SLC2A13: variants seen among roughly 807,000 people sequenced by gnomAD.
The protein encoded by SLC2A13 is proton myo-inositol cotransporter.
In SLC2A13, 32 loss-of-function variants were observed where a neutral mutation model predicts 64.4. The observed-to-expected ratio is 0.50, with a 90% CI of 0.37 to 0.67. SLC2A13 has a LOEUF of 0.67. Ranked by LOEUF, SLC2A13 falls within the 30% of genes least tolerant of loss-of-function variation. The pLI is 0.00. For missense variants in SLC2A13, 743 were observed against 829.2 expected, an observed-to-expected ratio of 0.90 and a Z score of 1.28; for synonymous variants, 338 against 327.1, an observed-to-expected ratio of 1.03 and a Z score of -0.36.
chr12:39,907,532 A>G (rs1945319809), intron 4 of SLC2A13: 2 of 152,160 alleles, frequency 1.3e-5, no homozygotes, highest in South Asian at 4.1e-4. Context: ...ATATACTACT[A>G]ATATAGAATC....
At chr12:39,847,001 A>G (rs940014753) in intron 6 of SLC2A13, among the ~76,000 whole-genome samples, 2 of 152,206 alleles carry the variant, frequency 1.3e-5, no homozygotes, top group African/African-American at 4.8e-5. Flanking sequence ...ACTGGTTTCA[A>G]AGGCCAAGGA....
At chr12:39,830,841 T>C (rs1029112040) in intron 6 of SLC2A13, among the ~76,000 whole-genome samples, 1 of 152,196 alleles carries the variant, frequency 6.6e-6, no homozygotes, top group African/African-American at 2.4e-5. Context: ...TGGATTATTC[T>C]GAATTTAAAA....
chr12:39,980,398 G>C (rs1279885511), intron 3 of SLC2A13, among the ~76,000 whole-genome samples: 1 of 151,648 alleles, frequency 6.6e-6, no homozygotes, highest in Non-Finnish European at 1.5e-5. Flanking sequence ...AAAGAGTCAA[G>C]ACCCATCAGT....
intron 1 of SLC2A13, among the ~76,000 whole-genome samples, chr12:40,095,037 G>C (rs1938892824): frequency 6.6e-6 from 1 of 152,166 alleles, no homozygotes; most frequent in Non-Finnish European, 1.5e-5. Flanking sequence ...AAGTAAGCAA[G>C]ACACTTTCCT....
At position 39,895,549 on chromosome 12, in the gene SLC2A13, T is replaced by TAC. The variant is rs1357173478; in HGVS notation, c.1035-23589_1035-23588insGT. On this transcript the variant is annotated intron_variant, in intron 4 of 9. Coordinates refer to ENST00000280871, the MANE Select transcript of SLC2A13 (RefSeq NM_052885.4). ...ATATATATATATATATATATATATA[T>TAC]ATACACACACACACACACGTGTATA... is the stretch of plus-strand genomic sequence containing the variant. Among the ~76,000 whole-genome samples, 18 of 72,544 alleles carry TAC rather than the reference T, an allele frequency of 2.5e-4. 4 individuals carry two copies. The highest frequency in any genetic ancestry group is 7.9e-4 in the African/African-American group (14 of 17,834). The allele number at this position is 72,544 out of a possible 152,430, so 47.6% of individuals were successfully genotyped here. A position where few individuals can be genotyped will look rare whatever the true frequency, so the allele number is the denominator to read the frequency against.
chr12:39,809,714 T>A (rs1942087231), intron 7 of SLC2A13, among the ~76,000 whole-genome samples: 1 of 152,116 alleles, frequency 6.6e-6, no homozygotes, highest in Admixed American at 6.6e-5. Context: ...TGTCCATGTG[T>A]TCTCATTGTT....
At chr12:39,867,954 A>C (rs1943949908) in intron 5 of SLC2A13, among the ~76,000 whole-genome samples, 1 of 152,202 alleles carries the variant, frequency 6.6e-6, no homozygotes, top group Admixed American at 6.5e-5. Flanking sequence ...AAACGACTTT[A>C]TTTATAAAAT....
rs116758456 is a variant in SLC2A13, at chr12:39,792,693, T to C, written c.1446-27835A>G. Among the ~76,000 whole-genome samples, 1,302 of 152,204 alleles carry C rather than the reference T, an allele frequency of 8.6e-3. 26 individuals are homozygous for C. The highest frequency in any genetic ancestry group is 0.029 in the African/African-American group (1,219 of 41,522). ...CCCTACAGATACCAAAAGTCAGATA[T>C]AGATACCAAAGTATATGTGGGTTTT... On this transcript the variant is annotated intron_variant, in intron 7 of 9. Transcript: ENST00000280871.
chr12:39,857,196 G>A (rs1191740030), intron 6 of SLC2A13, among the ~76,000 whole-genome samples: 1 of 152,150 alleles, frequency 6.6e-6, no homozygotes, highest in Non-Finnish European at 1.5e-5. Flanking sequence ...ACCTTTCTCA[G>A]AAGTCTTTTA....
intron 1 of SLC2A13, among the ~76,000 whole-genome samples, chr12:40,062,885 T>A (rs1411251304): frequency 6.6e-6 from 1 of 152,146 alleles, no homozygotes; most frequent in Non-Finnish European, 1.5e-5. Flanking sequence ...TAAGGAGCCA[T>A]TATAGCTCAC....
At chr12:40,072,271 G>A (rs1321020169) in intron 1 of SLC2A13, among the ~76,000 whole-genome samples, 1 of 152,030 alleles carries the variant, frequency 6.6e-6, no homozygotes, top group Non-Finnish European at 1.5e-5. Flanking sequence ...GTTATTATAT[G>A]ATTGTATTCT....
chr12:39,943,888 C>T (rs1405649225), intron 4 of SLC2A13, among the ~76,000 whole-genome samples: 4 of 152,140 alleles, frequency 2.6e-5, no homozygotes, highest in Middle Eastern at 3.2e-3. Flanking sequence ...ACTGGGTGGA[C>T]GTTTGGGCAG....
rs556184923 is a variant in SLC2A13, at chr12:39,883,883, T to C, written c.1035-11922A>G. ...AAAACAGCAAAACACGGAAGTATAT[T>C]CACGTAGAATCTCATCTATTAAAAA... On this transcript the variant is annotated intron_variant, in intron 4 of 9. Coordinates refer to ENST00000280871, the MANE Select transcript of SLC2A13 (RefSeq NM_052885.4). Among the ~76,000 whole-genome samples the C allele has an allele frequency of 6.6e-5, 10 of 152,272 alleles. 1 individual carries two copies. Among genetic ancestry groups the C allele is most frequent in the Admixed American group, 2.0e-4 (3 of 15,286 alleles).
intron 4 of SLC2A13, among the ~76,000 whole-genome samples, chr12:39,884,390 CTTAAA>C (rs1270236448): frequency 2.6e-5 from 4 of 152,210 alleles, no homozygotes; most frequent in African/African-American, 7.2e-5. Context: ...TTCGTATTTT[CTTAAA>C]TTAATCTATG....
chr12:40,024,098 T>C (rs1344603420), intron 3 of SLC2A13, among the ~76,000 whole-genome samples: 2 of 152,242 alleles, frequency 1.3e-5, no homozygotes, highest in African/African-American at 4.8e-5. Flanking sequence ...CCTATGTCTC[T>C]ATCAGGATTC....
intron 7 of SLC2A13, among the ~76,000 whole-genome samples, chr12:39,792,803 G>GAA (rs71075082): frequency 0.021 from 3,193 of 149,270 alleles, 97 homozygotes; most frequent in East Asian, 0.094. Flanking sequence ...TGTATTTAAT[G>GAA]AAAAAAAAAA....
rs57008180 is a variant in SLC2A13 at position 40,030,739 on chromosome 12, G to A, written c.717-2230C>T. 7.9e-5 allele frequency among the ~76,000 whole-genome samples: 12 copies of A among 152,044 alleles called. No individual in the cohort carries two copies. The East Asian group carries it at 2.1e-3, about 27-fold the overall frequency. ...TTTTTTTAAACAGAAAAAAAGACAA[G>A]GGAAGAGAAGAGAAGAGAAAAGAGA... is the stretch of plus-strand genomic sequence containing the variant. On this transcript the variant is annotated intron_variant, in intron 2 of 9. Coordinates refer to ENST00000280871, the MANE Select transcript of SLC2A13 (RefSeq NM_052885.4).
chr12:39,966,708 A>C (rs1946523104), intron 3 of SLC2A13, among the ~76,000 whole-genome samples: 1 of 152,118 alleles, frequency 6.6e-6, no homozygotes. Flanking sequence ...CACAGGATAG[A>C]TTTTAATGCT....
intron 7 of SLC2A13, among the ~76,000 whole-genome samples, chr12:39,807,845 G>T (rs953259173): frequency 6.6e-6 from 1 of 152,028 alleles, no homozygotes; most frequent in Non-Finnish European, 1.5e-5. Flanking sequence ...GGAGAATCTT[G>T]TCTGTGATGA....
Sources: gnomAD v4.1 joint callset for allele counts (sites outside exome capture counted in the v4.1 genomes callset) on GRCh38, gnomAD v4.1.1 for gene constraint, MANE v1.5 for transcripts, NCBI Gene and HGNC (gene_info 2026-07-23, HGNC 2026-07-21) for gene names.